The following RPTOR variants were observed in gnomAD, a reference collection of about 807,000 sequenced individuals.
RPTOR encodes the protein regulatory-associated protein of mTOR.
In RPTOR, 21 loss-of-function variants were observed where a neutral mutation model predicts 169.9. The observed-to-expected ratio is 0.12, with a 90% CI of 0.09 to 0.18. The LOEUF (loss-of-function observed/expected upper bound fraction) is 0.18. RPTOR is among the 10% of genes least tolerant of loss of function. The pLI, the probability that RPTOR is intolerant of heterozygous loss-of-function variation, is 1.00. For synonymous variants in RPTOR, 732 were observed against 753.2 expected (o/e 0.97, Z 0.46); for missense variants, 1,133 against 1,855.9 (o/e 0.61, Z 7.16).
chr17:80,656,621 T>C (rs1351221196), intron 3 of RPTOR, among the ~76,000 whole-genome samples: 1 of 152,234 alleles, frequency 6.6e-6, no homozygotes, highest in East Asian at 1.9e-4. Context: ...CCATGTGTCA[T>C]CTCAGAGTAG....
chr17:80,777,001 G>A (rs185371026), intron 6 of RPTOR, among the ~76,000 whole-genome samples: 12 of 152,268 alleles, frequency 7.9e-5, no homozygotes, highest in African/African-American at 2.9e-4. Flanking sequence ...CATTTTGGGA[G>A]GACGAGGTGG....
intron 1 of RPTOR, among the ~76,000 whole-genome samples, chr17:80,557,868 G>A (rs1016509828): frequency 3.9e-5 from 6 of 152,084 alleles, no homozygotes; most frequent in Non-Finnish European, 5.9e-5. Flanking sequence ...AGAGGTTGCA[G>A]TGAGCCGAGA....
rs1405680763 is a variant in RPTOR at position 80,721,411 on chromosome 17, C to T, written c.508-9149C>T. Among the ~76,000 whole-genome samples the T allele has an allele frequency of 1.3e-5, 2 of 151,444 alleles. No individual in the cohort carries two copies. Among genetic ancestry groups the T allele is most frequent in the Admixed American group, 6.6e-5 (1 of 15,266 alleles). ...GAGGTGTGAGAATCACTCACTTCCT[C>T]GGCAGGGCCTGCACGCACCTGGTGC... is the stretch of plus-strand genomic sequence containing the variant. On this transcript the variant is annotated intron_variant, in intron 4 of 33. Transcript: ENST00000306801. The surrounding 1 kb of genome is among the most constrained non-coding windows in gnomAD (Gnocchi z 4.7).
At chr17:80,761,543 G>T (rs1165734599) in intron 6 of RPTOR, among the ~76,000 whole-genome samples, 1 of 152,174 alleles carries the variant, frequency 6.6e-6, no homozygotes, top group Non-Finnish European at 1.5e-5. Flanking sequence ...GTCTGGCCAG[G>T]CTAAGTGGTT....
At chr17:80,677,100 T>A (rs1173415846) in intron 3 of RPTOR, among the ~76,000 whole-genome samples, 2 of 152,204 alleles carry the variant, frequency 1.3e-5, no homozygotes, top group African/African-American at 4.8e-5. Flanking sequence ...TGCCATGTTG[T>A]TCTTTTGGTT....
chr17:80,837,158 G>A (rs1158566815), intron 9 of RPTOR, among the ~76,000 whole-genome samples: 1 of 152,162 alleles, frequency 6.6e-6, no homozygotes, highest in African/African-American at 2.4e-5. Flanking sequence ...GAGGGACAGT[G>A]TGGTCGGTTA....
chr17:80,712,737 C>T (rs1310689111), intron 4 of RPTOR, among the ~76,000 whole-genome samples: 1 of 152,200 alleles, frequency 6.6e-6, no homozygotes, highest in African/African-American at 2.4e-5. Flanking sequence ...TTATAAGGAA[C>T]TGTGAAGCTG....
At chr17:80,881,644 C>T (rs1358581445) in intron 14 of RPTOR, among the ~76,000 whole-genome samples, 1 of 152,198 alleles carries the variant, frequency 6.6e-6, no homozygotes, top group Non-Finnish European at 1.5e-5. Context: ...CATGGTGAAA[C>T]CCCGTTTCTA....
chr17:80,548,526 C>T (rs113107266), intron 1 of RPTOR, among the ~76,000 whole-genome samples: 7 of 151,652 alleles, frequency 4.6e-5, no homozygotes, highest in East Asian at 1.9e-4. Flanking sequence ...GGATTACAGG[C>T]GCCTGGCTAG....
At chr17:80,771,953 G>T (rs1440832040) in intron 6 of RPTOR, among the ~76,000 whole-genome samples, 8 of 152,174 alleles carry the variant, frequency 5.3e-5, no homozygotes, top group Non-Finnish European at 1.2e-4. Context: ...CCTGGTAACT[G>T]GGTCTATAGG....
intron 20 of RPTOR, among the ~76,000 whole-genome samples, chr17:80,895,630 C>T (rs1206467850): frequency 6.6e-6 from 1 of 152,258 alleles, no homozygotes; most frequent in Non-Finnish European, 1.5e-5. Flanking sequence ...CCTCTCGCCA[C>T]CTTGCCTCAG....
At chr17:80,713,120 G>C (rs975333030) in intron 4 of RPTOR, among the ~76,000 whole-genome samples, 5 of 152,136 alleles carry the variant, frequency 3.3e-5, no homozygotes, top group African/African-American at 1.2e-4. Flanking sequence ...CCAGGCTAGA[G>C]TACAATGGCG....
At chr17:80,768,163 C>T (rs1455487058) in intron 6 of RPTOR, among the ~76,000 whole-genome samples, 1 of 152,164 alleles carries the variant, frequency 6.6e-6, no homozygotes, top group African/African-American at 2.4e-5. Context: ...CGCCTGACCA[C>T]GTGAATTTTT....
At chr17:80,680,986 G>A (rs1383133918) in intron 3 of RPTOR, among the ~76,000 whole-genome samples, 1 of 152,150 alleles carries the variant, frequency 6.6e-6, no homozygotes, top group Non-Finnish European at 1.5e-5. Context: ...AGGCGGAAGA[G>A]GAGAGGGAGC....
At chr17:80,881,217 A>G (rs899047397) in intron 14 of RPTOR, among the ~76,000 whole-genome samples, 2 of 89,930 alleles carry the variant, frequency 2.2e-5, no homozygotes, top group African/African-American at 9.7e-5. Flanking sequence ...TTCACCCCCT[A>G]GTTGGTTTTC....
At chr17:80,742,499 A>G (rs1390075453) in intron 5 of RPTOR, among the ~76,000 whole-genome samples, 1 of 152,014 alleles carries the variant, frequency 6.6e-6, no homozygotes, top group African/African-American at 2.4e-5. Context: ...ACATGTACAC[A>G]TACACATGCA....
intron 6 of RPTOR, among the ~76,000 whole-genome samples, chr17:80,761,750 C>T (rs1238635843): frequency 2.0e-5 from 3 of 152,184 alleles, no homozygotes; most frequent in African/African-American, 2.4e-5. Flanking sequence ...TTCTTCTGCC[C>T]GTTCAGTGCT....
chr17:80,879,013 G>A (rs2068154082), intron 13 of RPTOR, among the ~76,000 whole-genome samples: 1 of 151,548 alleles, frequency 6.6e-6, no homozygotes, highest in South Asian at 2.1e-4. Flanking sequence ...GTGGTCTTCA[G>A]CACCACCCGA....
chr17:80,748,619 T>C lies in RPTOR; in HGVS notation c.655-5391T>C, dbSNP rs373945197. On this transcript the variant is annotated intron_variant, in intron 5 of 33. Coordinates refer to ENST00000306801, the MANE Select transcript of RPTOR (RefSeq NM_020761.3). ...GAGGACCTGTTGGATGGAGGGACTG[T>C]GGTGTGTGTTTAGAGGCCGTGGCGA... Among the ~76,000 whole-genome samples, 250 of 68,670 alleles carry C rather than the reference T, an allele frequency of 3.6e-3. 5 individuals are homozygous for C. Among genetic ancestry groups the C allele is most frequent in the African/African-American group, 0.012 (201 of 16,186 alleles). The allele number at this position is 68,670 out of a possible 152,430, so 45.1% of individuals were successfully genotyped here.
Sources: allele counts gnomAD v4.1 joint callset (sites outside exome capture counted in the v4.1 genomes callset), GRCh38; gene constraint gnomAD v4.1.1; non-coding constraint Gnocchi (gnomAD v3.1); transcripts MANE v1.5; gene names NCBI Gene and HGNC (gene_info 2026-07-23, HGNC 2026-07-21).